TSPEAR: variants seen among roughly 807,000 people sequenced by gnomAD.
The protein encoded by TSPEAR is thrombospondin-type laminin G domain and EAR repeat-containing protein.
Under a neutral mutation model 71.6 loss-of-function variants are expected in TSPEAR, and 69 were observed. That is an observed-to-expected ratio of 0.96 (90% CI 0.79 to 1.18). The LOEUF (loss-of-function observed/expected upper bound fraction) is 1.18. Ranked by LOEUF, TSPEAR falls within the 50% of genes most tolerant of loss-of-function variation. The pLI is 0.00. For synonymous variants in TSPEAR, 402 were observed against 387.2 expected, an observed-to-expected ratio of 1.04 and a Z score of -0.45; for missense variants, 971 against 894.9, an observed-to-expected ratio of 1.09 and a Z score of -1.09.
At position 44,623,029 on chromosome 21, in the gene TSPEAR, T is replaced by G. The variant is rs1447298706; in HGVS notation, c.83-55024A>C. On this transcript the variant is annotated intron_variant, in intron 1 of 11. Coordinates refer to ENST00000323084, the MANE Select transcript of TSPEAR (RefSeq NM_144991.3). The surrounding 1 kb of genome is among the most constrained non-coding windows in gnomAD (Gnocchi z 4.5). ...GTGACATGCCCACTCCCCCTTCACC[T>G]TCCACCATGAGCAAAGCCCCCTGAG... Among the ~76,000 whole-genome samples the G allele has an allele frequency of 6.6e-6, 1 of 152,176 alleles. No individual in the cohort carries two copies. Among genetic ancestry groups the G allele is most frequent in the African/African-American group, 2.4e-5 (1 of 41,444 alleles).
chr21:44,502,779 G>A (rs1555911221), intron 11 of TSPEAR, among the ~76,000 whole-genome samples: 1 of 152,280 alleles, frequency 6.6e-6, no homozygotes, highest in Non-Finnish European at 1.5e-5. Context: ...GTGAGCCGGT[G>A]GCACCTGCGA....
At chr21:44,633,000 A>T (rs979799522) in intron 1 of TSPEAR, among the ~76,000 whole-genome samples, 2 of 152,192 alleles carry the variant, frequency 1.3e-5, no homozygotes, top group Non-Finnish European at 2.9e-5. Context: ...AATTTTATTG[A>T]TTTTATGTGT....
intron 1 of TSPEAR, chr21:44,580,219 G>C: frequency 6.2e-7 from 1 of 1,614,112 alleles, no homozygotes; most frequent in Non-Finnish European, 8.5e-7. Context: ...AAGAGGCACA[G>C]CAAGTTGGCT....
chr21:44,592,595 G>T (rs190203120), intron 1 of TSPEAR: 2 of 1,482,520 alleles, frequency 1.3e-6, no homozygotes, highest in Admixed American at 4.6e-5. Context: ...TTCCCCTTCC[G>T]TGTTGCCGAG....
intron 2 of TSPEAR, chr21:44,539,744 G>C: frequency 6.2e-7 from 1 of 1,612,418 alleles, no homozygotes; most frequent in Non-Finnish European, 8.5e-7. Flanking sequence ...CTGCTGGCTG[G>C]AGGAAGAGGC....
rs452472 is a variant in TSPEAR, at chr21:44,558,709, T to C, written c.303+9076A>G. 0.31 allele frequency: 496,441 copies of C among 1,597,234 alleles called. 80,002 individuals are homozygous for C. The highest frequency in any genetic ancestry group is 0.33 in the Non-Finnish European group (391,257 of 1,171,536). On this transcript the variant is annotated intron_variant, in intron 2 of 11. Coordinates refer to ENST00000323084, the MANE Select transcript of TSPEAR (RefSeq NM_144991.3). Reference sequence around the variant, plus strand: ...CTGGAGCAGACGGACATGGTAGACGTGGCCATGCTGGGGTGGGGAGGAGGT... The same window carrying C: ...CTGGAGCAGACGGACATGGTAGACGCGGCCATGCTGGGGTGGGGAGGAGGT...
rs587619409 is a variant in TSPEAR, at chr21:44,659,547, T to TA, written c.82+51885dup. Among the ~76,000 whole-genome samples, 58 of 152,170 alleles carry TA rather than the reference T, an allele frequency of 3.8e-4. 1 individual carries two copies. Among genetic ancestry groups the TA allele is most frequent in the African/African-American group, 1.3e-3 (56 of 41,486 alleles). On this transcript the variant is annotated intron_variant, in intron 1 of 11. Coordinates refer to ENST00000323084, the MANE Select transcript of TSPEAR (RefSeq NM_144991.3). ...GGAACTGATGATGTCTGATATTCAA[T>TA]AAAAAATTATAAGATATGCAAAAAA...
rs587691690 is a variant in TSPEAR at position 44,662,814 on chromosome 21, C to T, written c.82+48619G>A. Among the ~76,000 whole-genome samples the T allele has an allele frequency of 5.5e-4, 83 of 152,098 alleles. No individual in the cohort carries two copies. The South Asian group carries it at 6.9e-3, about 13-fold the overall frequency. ...TTAGACATTAACACCAAAAGGATAG[C>T]GAGAAACACCCTGCAGAACTGTAAA... On this transcript the variant is annotated intron_variant, in intron 1 of 11. Transcript: ENST00000323084.
Position 44,533,686 on chromosome 21 carries a change from T to TG in TSPEAR, c.540dup (p.Ile181HisfsTer76), listed in dbSNP as rs782511247. The stretch of plus-strand genomic sequence containing the variant: ...CACCCTCCCCGGGTGGGTACCTACA[T>TG]GTCCACCGGGAGGCCGCAGTCCGTG... On this transcript the variant is annotated frameshift_variant and splice_region_variant, in exon 3 of 12. Coordinates refer to ENST00000323084, the MANE Select transcript of TSPEAR (RefSeq NM_144991.3). LOFTEE classifies it high-confidence loss of function. 5.0e-6 allele frequency: 8 copies of TG among 1,605,278 alleles called. No homozygotes were observed. In the African/African-American group the frequency reaches 1.1e-4, roughly 21 times the overall value.
rs1046023514 is a variant in TSPEAR, at chr21:44,527,591, C to T, written c.923-73G>A. Reference sequence around the variant, plus strand: ...ATCCAGAGCAATCCTCGCGGGAGCGCGATTCCCAAGCCCCAAGTCACAAGC... The same window carrying T: ...ATCCAGAGCAATCCTCGCGGGAGCGTGATTCCCAAGCCCCAAGTCACAAGC... On this transcript the variant is annotated intron_variant, in intron 6 of 11. Transcript: ENST00000323084. 22 of 1,470,366 alleles carry T rather than the reference C, an allele frequency of 1.5e-5. No homozygotes were observed. In the African/African-American group the frequency reaches 2.0e-4, roughly 13 times the overall value. 91.1% of individuals were successfully genotyped at this position (1,470,366 alleles called of 1,614,324 possible).
intron 1 of TSPEAR, chr21:44,574,034 G>T (rs376621599): frequency 6.2e-7 from 1 of 1,613,122 alleles, no homozygotes; most frequent in East Asian, 2.2e-5. Flanking sequence ...GCTGCCAGCA[G>T]TCTAGCTGCC....
chr21:44,531,677 G>T (rs1555915784), intron 3 of TSPEAR, among the ~76,000 whole-genome samples: 1 of 152,146 alleles, frequency 6.6e-6, no homozygotes, highest in African/African-American at 2.4e-5. Flanking sequence ...CAGTGGCTTC[G>T]ACCTGCACAG....
rs556794329 is a variant in TSPEAR at position 44,710,036 on chromosome 21, C to T, written c.82+1397G>A. On this transcript the variant is annotated intron_variant, in intron 1 of 11. Coordinates refer to ENST00000323084, the MANE Select transcript of TSPEAR (RefSeq NM_144991.3). The surrounding 1 kb of genome is among the most constrained non-coding windows in gnomAD (Gnocchi z 4.6). ...ATGCAGGTTGATTCTGTTCCCTGAG[C>T]TAAAGGGAACATGAAAATACATGTC... Among the ~76,000 whole-genome samples the T allele has an allele frequency of 4.6e-5, 7 of 152,262 alleles. No individual in the cohort carries two copies. Among genetic ancestry groups the T allele is most frequent in the Admixed American group, 6.5e-5 (1 of 15,294 alleles).
Position 44,506,829 on chromosome 21 carries a change from T to G in TSPEAR, c.1755-1948A>C, listed in dbSNP as rs2052214081. 6.6e-6 allele frequency: 1 copy of G among 151,988 alleles called. No individual in the cohort carries two copies. The allele number at this position is 151,988 out of a possible 1,614,324, so 9.4% of individuals were successfully genotyped here. On this transcript the variant is annotated intron_variant, in intron 10 of 11. Transcript: ENST00000323084. This position sits in a 1 kb window ranked among gnomAD's most constrained non-coding sequence, Gnocchi z 4.2. Reference sequence around the variant, plus strand: ...CGTCGGATGTACCAGTGGTGGAAGATCCTGTCCGGCTGCACCGAGGCTCAC... The same window carrying G: ...CGTCGGATGTACCAGTGGTGGAAGAGCCTGTCCGGCTGCACCGAGGCTCAC...
At chr21:44,587,833 T>A (rs1979440222) in intron 1 of TSPEAR, among the ~76,000 whole-genome samples, 1 of 152,152 alleles carries the variant, frequency 6.6e-6, no homozygotes, top group Non-Finnish European at 1.5e-5. Context: ...TATAGGAGAA[T>A]GAAACTGGAT....
intron 1 of TSPEAR, among the ~76,000 whole-genome samples, chr21:44,664,822 C>T (rs1985669237): frequency 6.6e-6 from 1 of 152,242 alleles, no homozygotes; most frequent in African/African-American, 2.4e-5. Flanking sequence ...GGAGCACTAG[C>T]ATCACAGAAC....
chr21:44,500,967 C>G (rs2052018476), intron 11 of TSPEAR, among the ~76,000 whole-genome samples: 1 of 152,182 alleles, frequency 6.6e-6, no homozygotes. Flanking sequence ...TCATAGAACC[C>G]TGAGGTTATA....
chr21:44,628,054 T>A (rs463217), intron 1 of TSPEAR: 1 of 1,609,284 alleles, frequency 6.2e-7, no homozygotes, highest in African/African-American at 1.3e-5. Context: ...CTGCTGACGG[T>A]CATGTCCCCC....
At chr21:44,666,987 C>T in intron 1 of TSPEAR, 1 of 1,272,996 alleles carries the variant, frequency 7.9e-7, no homozygotes, top group Non-Finnish European at 1.1e-6. Context: ...CCCCACAGCA[C>T]AGAAGCACAC....
Sources: gnomAD v4.1 joint callset for allele counts (sites outside exome capture counted in the v4.1 genomes callset) on GRCh38, gnomAD v4.1.1 for gene constraint, Gnocchi (gnomAD v3.1) non-coding constraint, MANE v1.5 for transcripts, NCBI Gene and HGNC (gene_info 2026-07-23, HGNC 2026-07-21) for gene names.